Variants in DCHS2 observed in about 807,000 individuals in gnomAD.
The protein encoded by DCHS2 is protocadherin-23.
Under a neutral mutation model 182.4 loss-of-function variants are expected in DCHS2, and 142 were observed. The ratio of observed to expected loss-of-function variants is 0.78; its 90% confidence interval spans 0.68 to 0.89. DCHS2 has a LOEUF of 0.89. Among genes scored for constraint, DCHS2 ranks in the 40% least tolerant of loss-of-function variants. The pLI, the probability that DCHS2 is intolerant of heterozygous loss-of-function variation, is 0.00. For synonymous variants in DCHS2, 1,740 were observed against 1,663.3 expected, an observed-to-expected ratio of 1.05 and a Z score of -1.12; for missense variants, 4,319 against 4,198.6, an observed-to-expected ratio of 1.03 and a Z score of -0.79.
At chr4:154,434,587 G>A (rs868481935) in intron 1 of DCHS2, among the ~76,000 whole-genome samples, 10 of 152,194 alleles carry the variant, frequency 6.6e-5, no homozygotes, top group Middle Eastern at 3.4e-3. Flanking sequence ...TCTTAAGCTG[G>A]GTAAAGGGTA....
In DCHS2 at chr4:154,333,367, C is replaced by T. The variant is rs759226905; in HGVS notation, c.2841G>A (p.Val947=). The change falls in exon 5 of 20, where the codon GTG becomes GTA. Residue 947 remains valine (V), a synonymous_variant. Coordinates refer to ENST00000357232, the MANE Select transcript of DCHS2 (RefSeq NM_001358235.2). ...PLDHETQPVV[V]LTVQAQLGSA... is the part of the protein sequence containing the mutation. ...TGCCGAGCTGCGCCTGCACCGTGAG[C>T]ACAACCACGGGCTGCGTCTCGTGAT... is the stretch of plus-strand genomic sequence containing the variant. The T allele has an allele frequency of 1.2e-6, 2 of 1,614,180 alleles. No homozygotes were observed. Among genetic ancestry groups the T allele is most frequent in the Non-Finnish European group, 1.7e-6 (2 of 1,180,032 alleles).
rs1210385998 is a variant in DCHS2 at position 154,490,150 on chromosome 4, G to T, written c.1206C>A (p.Ala402=). The T allele has an allele frequency of 5.0e-5, 77 of 1,548,702 alleles. No individual in the cohort carries two copies. Among genetic ancestry groups the T allele is most frequent in the Non-Finnish European group, 6.2e-5 (71 of 1,146,032 alleles). Residue 402 remains alanine, a synonymous_variant, in exon 1 of 20, where the codon GCC becomes GCA. Coordinates refer to ENST00000357232, the MANE Select transcript of DCHS2 (RefSeq NM_001358235.2). ...GCCGGTTGTCATTCACGTCCAGCAC[G>T]GCGATGGACACGCGCACCGTGGCAA... ...PEVATVRVSI[A]VLDVNDNRPA... is the part of the protein sequence containing the mutation.
intron 1 of DCHS2, among the ~76,000 whole-genome samples, chr4:154,405,452 T>G (rs1732360367): frequency 1.3e-5 from 2 of 148,892 alleles, no homozygotes; most frequent in South Asian, 4.2e-4. Flanking sequence ...TCATATTTAT[T>G]CATATATATA....
intron 1 of DCHS2, among the ~76,000 whole-genome samples, chr4:154,417,198 TGTGTGTGA>T (rs1732881719): frequency 3.1e-5 from 2 of 65,344 alleles, no homozygotes; most frequent in African/African-American, 6.0e-5. Context: ...TGTGTGTGTG[TGTGTGTGA>T]GAGAGAGAGA....
intron 1 of DCHS2, among the ~76,000 whole-genome samples, chr4:154,443,736 T>C (rs1180926482): frequency 6.6e-6 from 1 of 152,214 alleles, no homozygotes; most frequent in Non-Finnish European, 1.5e-5. Context: ...TACAACATGC[T>C]GTTAGTTCTC....
chr4:154,298,719 A>G lies in DCHS2; in HGVS notation c.5606-11T>C, dbSNP rs1349241739. 4 of 1,537,880 alleles carry G rather than the reference A, an allele frequency of 2.6e-6. No individual in the cohort carries two copies. The South Asian group carries it at 5.1e-5, about 20-fold the overall frequency. On this transcript the variant is annotated splice_polypyrimidine_tract_variant and intron_variant, in intron 12 of 19. Transcript: ENST00000357232. ...CATCAGTATTTCCATCTATTAAAGA[A>G]AACAATTACAAATTCATTTGAATTG...
At chr4:154,365,661 TC>T (rs1730315753) in intron 3 of DCHS2, among the ~76,000 whole-genome samples, 1 of 150,774 alleles carries the variant, frequency 6.6e-6, no homozygotes, top group South Asian at 2.1e-4. Context: ...CTTTTTTTTT[TC>T]TTTTTTTTAG....
At chr4:154,418,019 G>T (rs1355779448) in intron 1 of DCHS2, among the ~76,000 whole-genome samples, 1 of 152,120 alleles carries the variant, frequency 6.6e-6, no homozygotes, top group Non-Finnish European at 1.5e-5. Context: ...TAGGAAAAAT[G>T]ACCTACCCAT....
At chr4:154,252,635 G>A (rs1200404159) in intron 16 of DCHS2, among the ~76,000 whole-genome samples, 2 of 141,422 alleles carry the variant, frequency 1.4e-5, no homozygotes, top group Non-Finnish European at 3.1e-5. Flanking sequence ...CCATGTTGTT[G>A]CAAATGACCG....
chr4:154,312,170 A>G (rs1561032990), intron 10 of DCHS2, among the ~76,000 whole-genome samples: 1 of 152,142 alleles, frequency 6.6e-6, no homozygotes, highest in Non-Finnish European at 1.5e-5. Context: ...GGGAAATTCA[A>G]CTTTTGAAAT....
In DCHS2 at chr4:154,236,701, T is replaced by C. The variant is rs1222640398; in HGVS notation, c.7951A>G (p.Ile2651Val). The change falls in exon 20 of 20, where the codon ATA becomes GTA. Residue 2651 changes from isoleucine (I) to valine (V), a missense_variant. Physicochemically the swap from Ile to Val is conservative, Grantham distance 29. Transcript: ENST00000357232. Reference sequence around the variant, plus strand: ...TTGACATCAAGTACTTGTATTGATATGACAGCTGTGGAACTCAATGGAGGG... The same window carrying C: ...TTGACATCAAGTACTTGTATTGATACGACAGCTGTGGAACTCAATGGAGGG... ...GCPPLSSTAV[I>V]SIQVLDVNDN... is the part of the protein sequence containing the mutation. 2.5e-6 allele frequency: 4 copies of C among 1,614,008 alleles called. No homozygotes were observed. In the South Asian group the frequency reaches 4.4e-5, roughly 18 times the overall value.
intron 1 of DCHS2, among the ~76,000 whole-genome samples, chr4:154,443,692 A>G (rs1307606681): frequency 1.3e-5 from 2 of 152,130 alleles, no homozygotes; most frequent in Non-Finnish European, 2.9e-5. Flanking sequence ...AGGCATCATC[A>G]ATTGTTCCCT....
intron 1 of DCHS2, among the ~76,000 whole-genome samples, chr4:154,487,654 A>G (rs1426755156): frequency 1.3e-5 from 2 of 152,212 alleles, no homozygotes; most frequent in African/African-American, 2.4e-5. Flanking sequence ...TAGCACCTCA[A>G]TTATCTAAAG....
In DCHS2 at chr4:154,405,729, C is replaced by T. The variant is rs183992124; in HGVS notation, c.2053-28285G>A. On this transcript the variant is annotated intron_variant, in intron 1 of 19. Transcript: ENST00000357232. ...AGAAACATGCTGTCCTTTAAGTCCTCGAACACATTTTTTAGCAGCTGTTTA... is the reference window on the plus strand; with the variant it reads ...AGAAACATGCTGTCCTTTAAGTCCTTGAACACATTTTTTAGCAGCTGTTTA... Among the ~76,000 whole-genome samples, 52 of 152,268 alleles carry T rather than the reference C, an allele frequency of 3.4e-4. No individual in the cohort carries two copies. The East Asian group carries it at 6.6e-3, about 19-fold the overall frequency.
chr4:154,309,008 A>G (rs1735568085), intron 10 of DCHS2, among the ~76,000 whole-genome samples: 1 of 152,186 alleles, frequency 6.6e-6, no homozygotes, highest in Non-Finnish European at 1.5e-5. Context: ...ACCACAGTCC[A>G]CAAAGTCCCA....
rs139239898 is a variant in DCHS2, at chr4:154,254,419, C to T, written c.6941+1100G>A. Among the ~76,000 whole-genome samples the T allele has an allele frequency of 4.4e-3, 677 of 152,322 alleles. 2 individuals carry two copies. The highest frequency in any genetic ancestry group is 7.1e-3 in the Non-Finnish European group (486 of 68,034). ...ACATATCCTAGAGCTCCATCCTCAT[C>T]GGCACATAGAGTTATGCCTCTTTCT... On this transcript the variant is annotated intron_variant, in intron 16 of 19. Transcript: ENST00000357232.
chr4:154,321,248 A>C (rs1561039959), intron 8 of DCHS2, 26 bp from the exon 9 acceptor site: 1 of 1,453,640 alleles, frequency 6.9e-7, no homozygotes, highest in South Asian at 1.6e-5. Flanking sequence ...AAGAGATATT[A>C]ATTTGGGGTA....
At chr4:154,313,501 T>C (rs1182994665) in intron 10 of DCHS2, among the ~76,000 whole-genome samples, 1 of 152,166 alleles carries the variant, frequency 6.6e-6, no homozygotes, top group East Asian at 1.9e-4. Flanking sequence ...GTGGTATTTT[T>C]TTAAAAAAAT....
At chr4:154,364,606 T>C (rs1347499512) in intron 3 of DCHS2, among the ~76,000 whole-genome samples, 3 of 152,190 alleles carry the variant, frequency 2.0e-5, no homozygotes, top group African/African-American at 7.2e-5. Flanking sequence ...AGACTGCCAG[T>C]ATAAACAACT....
Sources: gnomAD v4.1 joint callset for allele counts (sites outside exome capture counted in the v4.1 genomes callset) on GRCh38, gnomAD v4.1.1 for gene constraint, MANE v1.5 for transcripts, NCBI Gene and HGNC (gene_info 2026-07-23, HGNC 2026-07-21) for gene names.